GLRA2: variants seen among roughly 807,000 people sequenced by gnomAD.
The protein encoded by GLRA2 is glycine receptor alpha 2.
A neutral mutation model predicts 31.6 loss-of-function variants in GLRA2; 11 were observed. The observed-to-expected ratio is 0.35, with a 90% confidence interval of 0.22 to 0.58. GLRA2 has a LOEUF of 0.58. Among genes scored for constraint, GLRA2 ranks in the 20% least tolerant of loss-of-function variants. GLRA2 has a pLI of 0.84. For synonymous variants in GLRA2, 132 were observed against 134.0 expected (o/e 0.99, Z 0.10); for missense variants, 212 against 351.8 (o/e 0.60, Z 3.18).
intron 7 of GLRA2, among the ~76,000 whole-genome samples, chrX:14,645,123 C>A (rs2090816343): frequency 8.9e-6 from 1 of 111,757 alleles, no homozygotes; most frequent in Non-Finnish European, 1.9e-5. Flanking sequence ...GATGTGACTT[C>A]CATGATCCAT....
chrX:14,559,413 C>T (rs922299946), intron 2 of GLRA2, among the ~76,000 whole-genome samples: 1 of 95,404 alleles, frequency 1.0e-5, no homozygotes, highest in African/African-American at 4.0e-5. Context: ...GATTGTGGGG[C>T]CATTTCTTTT....
At chrX:14,581,883 T>G (rs2090021150) in intron 4 of GLRA2, among the ~76,000 whole-genome samples, 1 of 110,400 alleles carries the variant, frequency 9.1e-6, no homozygotes, top group African/African-American at 3.3e-5. Context: ...ATGTCAGCTT[T>G]GCTTCTAAGT....
chrX:14,487,453 G>T, the GLRA2 span, among the ~76,000 whole-genome samples: 1 of 98,697 alleles, frequency 1.0e-5, no homozygotes, highest in Non-Finnish European at 2.0e-5. Context: ...AGTAGGAGAT[G>T]AAGCAAAGAT....
At chrX:14,495,712 T>C in the GLRA2 span, among the ~76,000 whole-genome samples, 1 of 109,810 alleles carries the variant, frequency 9.1e-6, no homozygotes, top group African/African-American at 3.3e-5. Context: ...TATATCCTTA[T>C]TTAATCCTCC....
chrX:14,634,525 T>C (rs991583103), intron 7 of GLRA2, among the ~76,000 whole-genome samples: 2 of 112,116 alleles, frequency 1.8e-5, no homozygotes, highest in Admixed American at 1.9e-4. Context: ...ATGGTTATTT[T>C]TGCACTTCTG....
chrX:14,621,927 G>A (rs1164074714), intron 7 of GLRA2, among the ~76,000 whole-genome samples: 8 of 112,029 alleles, frequency 7.1e-5, no homozygotes, highest in African/African-American at 2.6e-4. Context: ...GATCCTTGAG[G>A]AATCGCCACA....
chrX:14,493,687 ATACACGTATATATGTATACACATG>A, the GLRA2 span, among the ~76,000 whole-genome samples: 5 of 97,123 alleles, frequency 5.1e-5, no homozygotes, highest in Non-Finnish European at 1.0e-4. Context: ...GTGTATACAT[ATACACGTATATATGTATACACATG>A]TATACATATA....
chrX:14,727,421 CT>C (rs1243264211), intron 8 of GLRA2, among the ~76,000 whole-genome samples: 2 of 111,984 alleles, frequency 1.8e-5, no homozygotes, highest in East Asian at 5.6e-4. Context: ...GCGGATCTCT[CT>C]TTACTAAACC....
intron 7 of GLRA2, among the ~76,000 whole-genome samples, chrX:14,663,561 T>C (rs1253051528): frequency 1.8e-5 from 2 of 110,448 alleles, no homozygotes; most frequent in African/African-American, 6.6e-5. Context: ...AAGACAAGTC[T>C]CACTTAGGAA....
At chrX:14,662,249 AACACAC>A (rs746131304) in intron 7 of GLRA2, among the ~76,000 whole-genome samples, 11 of 109,667 alleles carry the variant, frequency 1.0e-4, no homozygotes, top group Admixed American at 8.8e-4. Context: ...AGCAGAATAA[AACACAC>A]ACACACACAC....
At chrX:14,617,044 A>G (rs1045570087) in intron 7 of GLRA2, among the ~76,000 whole-genome samples, 1 of 111,912 alleles carries the variant, frequency 8.9e-6, no homozygotes, top group African/African-American at 3.2e-5. Flanking sequence ...TTGGTACTTT[A>G]GTTTAAGAAT....
chrX:14,648,941 C>T lies in GLRA2; in HGVS notation c.930+39736C>T, dbSNP rs1368756029. On this transcript the variant is annotated intron_variant, in intron 7 of 8. Transcript: ENST00000218075. ...TATAAAATTAAAAAATATGGCTGGG[C>T]GCAGTGGCTCATGCCTGTAATCCCA... is the stretch of plus-strand genomic sequence containing the variant. Among the ~76,000 whole-genome samples the T allele has an allele frequency of 5.4e-5, 6 of 111,744 alleles. 1 individual carries two copies. The highest frequency in any genetic ancestry group is 9.5e-5 in the Admixed American group (1 of 10,523).
intron 2 of GLRA2, among the ~76,000 whole-genome samples, chrX:14,545,022 T>C (rs760751779): frequency 1.8e-5 from 2 of 111,456 alleles, no homozygotes; most frequent in South Asian, 7.6e-4. Context: ...TGAAAACACA[T>C]TGGTGATGGA....
At chrX:14,541,264 A>G (rs1413650971) in intron 2 of GLRA2, among the ~76,000 whole-genome samples, 5 of 110,946 alleles carry the variant, frequency 4.5e-5, no homozygotes, top group Non-Finnish European at 9.5e-5. Context: ...AGAAGAAAAG[A>G]TTGGGTAAGG....
chrX:14,613,130 T>G (rs1247318139), intron 7 of GLRA2, among the ~76,000 whole-genome samples: 1 of 111,659 alleles, frequency 9.0e-6, no homozygotes, highest in South Asian at 3.8e-4. Flanking sequence ...GAGGATGAGA[T>G]GAAGCAGTAC....
the GLRA2 span, among the ~76,000 whole-genome samples, chrX:14,456,729 G>A: frequency 2.7e-5 from 3 of 112,296 alleles, no homozygotes; most frequent in African/African-American, 9.7e-5. Context: ...TCATGTGTAT[G>A]TGCCATATTT....
intron 7 of GLRA2, among the ~76,000 whole-genome samples, chrX:14,650,045 T>C (rs1481546018): frequency 1.8e-5 from 2 of 112,121 alleles, no homozygotes; most frequent in Non-Finnish European, 3.8e-5. Context: ...TTTTAGTTTC[T>C]GATTATCACA....
At chrX:14,635,097 T>G (rs763695207) in intron 7 of GLRA2, among the ~76,000 whole-genome samples, 39 of 111,969 alleles carry the variant, frequency 3.5e-4, no homozygotes, top group Non-Finnish European at 7.0e-4. Flanking sequence ...GGAAATGAGT[T>G]AAAAGCTTAT....
At chrX:14,688,745 T>C (rs1044701840) in intron 7 of GLRA2, among the ~76,000 whole-genome samples, 2 of 110,426 alleles carry the variant, frequency 1.8e-5, no homozygotes, top group South Asian at 7.8e-4. Flanking sequence ...CCCCTTGCGC[T>C]TCCCGGGTGA....
Sources: gnomAD v4.1 joint callset for allele counts (sites outside exome capture counted in the v4.1 genomes callset) on GRCh38, gnomAD v4.1.1 for gene constraint, MANE v1.5 for transcripts, NCBI Gene and HGNC (gene_info 2026-07-23, HGNC 2026-07-21) for gene names.